The following IL13RA1 variants were observed in gnomAD, a reference collection of about 807,000 sequenced individuals.
The protein encoded by IL13RA1 is interleukin 13 receptor subunit alpha 1, also known as interleukin-13 receptor subunit alpha-1.
In IL13RA1, 14 loss-of-function variants were observed where a neutral mutation model predicts 33.8. The observed-to-expected ratio is 0.41, with a 90% confidence interval of 0.27 to 0.65. The LOEUF (loss-of-function observed/expected upper bound fraction) is 0.65, where lower values mean the gene tolerates loss of function less well. Ranked by LOEUF, IL13RA1 falls within the 30% of genes least tolerant of loss-of-function variation. The probability of loss-of-function intolerance (pLI) is 0.28; values close to 1 mark genes in which losing one functional copy is unlikely to be tolerated. For synonymous variants in IL13RA1, 116 were observed against 115.7 expected (o/e 1.00, Z -0.02); for missense variants, 313 against 327.0 (o/e 0.96, Z 0.33).
At chrX:118,754,655 A>G (rs1290075961) in intron 4 of IL13RA1, among the ~76,000 whole-genome samples, 1 of 102,381 alleles carries the variant, frequency 9.8e-6, no homozygotes, top group African/African-American at 4.2e-5. Context: ...AATACTATTT[A>G]TTATTATTAT....
chrX:118,774,152 C>CTT (rs749517738), intron 9 of IL13RA1, among the ~76,000 whole-genome samples, 177 bp downstream of exon 9: 9 of 95,329 alleles, frequency 9.4e-5, no homozygotes, highest in African/African-American at 2.7e-4. Flanking sequence ...CTTTTCTTTT[C>CTT]TTTTTTTTTT....
intron 1 of IL13RA1, among the ~76,000 whole-genome samples, chrX:118,735,405 G>C (rs1383863475): frequency 9.0e-6 from 1 of 111,450 alleles, no homozygotes; most frequent in Non-Finnish European, 1.9e-5. Flanking sequence ...AGTTAAGGTT[G>C]CTGATTTGAG....
chrX:118,756,139 A>G (rs2017528161), intron 4 of IL13RA1, among the ~76,000 whole-genome samples: 1 of 111,127 alleles, frequency 9.0e-6, no homozygotes, highest in South Asian at 3.8e-4. Flanking sequence ...CCTGCATTTT[A>G]AAGTAGTACA....
chrX:118,765,477 G>A (rs762047176), intron 6 of IL13RA1, among the ~76,000 whole-genome samples: 1 of 111,508 alleles, frequency 9.0e-6, no homozygotes, highest in Non-Finnish European at 1.9e-5. Context: ...ATTCACCAAT[G>A]TTGTTTCTTA....
At chrX:118,780,917 G>T (rs758834756) in intron 10 of IL13RA1, among the ~76,000 whole-genome samples, 156 of 111,938 alleles carry the variant, frequency 1.4e-3, no homozygotes, top group Non-Finnish European at 2.4e-3. Context: ...TTTAAACACT[G>T]TCTTCTTCCA....
intron 1 of IL13RA1, among the ~76,000 whole-genome samples, chrX:118,729,788 G>A (rs1314782340): frequency 8.9e-6 from 1 of 112,045 alleles, no homozygotes; most frequent in Admixed American, 9.5e-5. Flanking sequence ...GAGGCACAGT[G>A]CGACCAAGAC....
the IL13RA1 span, among the ~76,000 whole-genome samples, chrX:118,800,339 G>A: frequency 9.1e-6 from 1 of 110,369 alleles, no homozygotes; most frequent in African/African-American, 3.3e-5. Context: ...TTGGGTCCAC[G>A]CTGCTTTTAT....
rs368160832 is a variant in IL13RA1 at position 118,749,651 on chromosome X, A to G, written c.368-7A>G. ...AGGGTCTTAAACTCTTGGCCTGGAT[A>G]TTCTAGGTGATCCTGAGTCTGCTGT... On this transcript the variant is annotated splice_region_variant and splice_polypyrimidine_tract_variant and intron_variant, in intron 3 of 10. Transcript: ENST00000371666. 8.3e-7 allele frequency: 1 copy of G among 1,206,980 alleles called. No homozygotes were observed. The highest frequency in any genetic ancestry group is 1.1e-6 in the Non-Finnish European group (1 of 891,199).
At position 118,794,389 on chromosome X, in the gene IL13RA1, CAGTTA is replaced by C. The variant is rs968213482; in HGVS notation, c.*2540_*2544del. 8.9e-6 allele frequency: 1 copy of C among 112,403 alleles called. No homozygotes were observed. Among genetic ancestry groups the C allele is most frequent in the African/African-American group, 3.2e-5 (1 of 30,787 alleles). The allele number at this position is 112,403 out of a possible 1,213,427, so 9.3% of individuals were successfully genotyped here. On this transcript the variant is annotated 3_prime_UTR_variant, in exon 11 of 11. Coordinates refer to ENST00000371666, the MANE Select transcript of IL13RA1 (RefSeq NM_001560.3). ...GGATGGTAATTCTTATTCTTTCGTT[CAGTTA>C]AGTTTTTCCCTTCATCTGGGCACTG...
At chrX:118,799,845 T>C in the IL13RA1 span, among the ~76,000 whole-genome samples, 1,698 of 35,078 alleles carry the variant, frequency 0.048, 43 homozygotes, top group Middle Eastern at 0.13. Flanking sequence ...AATCAGCACC[T>C]TGTGTTTAGC....
rs1603205195 is a variant in IL13RA1 at position 118,727,690 on chromosome X, G to T, written c.52G>T (p.Gly18Cys). 1 of 906,177 alleles carries T rather than the reference G, an allele frequency of 1.1e-6. No homozygotes were observed. Among genetic ancestry groups the T allele is most frequent in the Admixed American group, 6.1e-5 (1 of 16,432 alleles). 74.7% of individuals were successfully genotyped at this position (906,177 alleles called of 1,213,427 possible). The change falls in exon 1 of 11, where the codon GGC (glycine) becomes TGC (cysteine). Residue 18 changes from glycine to cysteine, a missense_variant. Coordinates refer to ENST00000371666, the MANE Select transcript of IL13RA1 (RefSeq NM_001560.3). ...GCTGTGGGCGCTGCTGCTCTGCGCCGGCGGCGGGGGCGGGGGCGGGGGCGC... is the reference window on the plus strand; with the variant it reads ...GCTGTGGGCGCTGCTGCTCTGCGCCTGCGGCGGGGGCGGGGGCGGGGGCGC... ...CGLWALLLCA[G>C]GGGGGGGAAP...
At chrX:118,743,269 A>G (rs2017365308) in intron 2 of IL13RA1, among the ~76,000 whole-genome samples, 1 of 112,005 alleles carries the variant, frequency 8.9e-6, no homozygotes, top group Non-Finnish European at 1.9e-5. Context: ...TCCCTGAAGC[A>G]TATTGAAGCA....
intron 1 of IL13RA1, among the ~76,000 whole-genome samples, chrX:118,740,024 G>A (rs1426484909): frequency 8.9e-6 from 1 of 112,243 alleles, no homozygotes. Flanking sequence ...CACTGCAGCG[G>A]CATGATCTTG....
chrX:118,733,826 T>C (rs1603206776), intron 1 of IL13RA1, among the ~76,000 whole-genome samples: 1 of 111,831 alleles, frequency 8.9e-6, no homozygotes. Flanking sequence ...CCAATTTCAT[T>C]CTTTTTCATA....
Position 118,758,237 on chromosome X carries a change from C to T in IL13RA1, c.671C>T (p.Ser224Phe). The T allele has an allele frequency of 2.0e-6, 2 of 1,010,433 alleles. No individual in the cohort carries two copies. Among genetic ancestry groups the T allele is most frequent in the Non-Finnish European group, 2.7e-6 (2 of 728,697 alleles). 83.3% of individuals were successfully genotyped at this position (1,010,433 alleles called of 1,213,427 possible). ...TCCTTCAATATAGTGCCTTTAACTT[C>T]CCGTGGTAAGTTTTAGAAGTCCTCT... Reference protein sequence around the residue: ...KPSFNIVPLTSRVKPDPPHIK... With the variant: ...KPSFNIVPLTFRVKPDPPHIK... Residue 224 changes from serine (S) to phenylalanine (F), a missense_variant, in exon 5 of 11, where the codon TCC becomes TTC. Coordinates refer to ENST00000371666, the MANE Select transcript of IL13RA1 (RefSeq NM_001560.3).
In IL13RA1 at chrX:118,761,299, TA is replaced by T; in HGVS notation, c.828+14del. 2.2e-6 allele frequency: 2 copies of T among 910,753 alleles called. No individual in the cohort carries two copies. Among genetic ancestry groups the T allele is most frequent in the Non-Finnish European group, 3.0e-6 (2 of 661,231 alleles). 75.1% of individuals were successfully genotyped at this position (910,753 alleles called of 1,213,427 possible). ...ACATAATGTTTTCTACGTAAGGTTTTAAAATTATTGTTTTTATTTGGCTATT... is the reference window on the plus strand; with the variant it reads ...ACATAATGTTTTCTACGTAAGGTTTTAAATTATTGTTTTTATTTGGCTATT... On this transcript the variant is annotated intron_variant, in intron 6 of 10. Coordinates refer to ENST00000371666, the MANE Select transcript of IL13RA1 (RefSeq NM_001560.3).
chrX:118,746,313 C>T (rs1281095619), intron 2 of IL13RA1, among the ~76,000 whole-genome samples: 1 of 110,508 alleles, frequency 9.0e-6, no homozygotes, highest in Non-Finnish European at 1.9e-5. Context: ...TGGGGTTTTG[C>T]CATTTTGCCC....
chrX:118,800,556 G>A, the IL13RA1 span, among the ~76,000 whole-genome samples: 19 of 110,696 alleles, frequency 1.7e-4, no homozygotes, highest in Admixed American at 1.6e-3. Flanking sequence ...ACATCAGAAG[G>A]GACAGACTCC....
intron 10 of IL13RA1, among the ~76,000 whole-genome samples, chrX:118,789,269 A>C (rs1369610395): frequency 1.8e-5 from 2 of 112,319 alleles, no homozygotes; most frequent in Admixed American, 9.4e-5. Context: ...TATGGAGAGT[A>C]TGATTCCTTT....
Sources: allele counts gnomAD v4.1 joint callset (sites outside exome capture counted in the v4.1 genomes callset), GRCh38; gene constraint gnomAD v4.1.1; transcripts MANE v1.5; gene names NCBI Gene and HGNC (gene_info 2026-07-23, HGNC 2026-07-21).